Variants in BTN2A1 observed in about 807,000 individuals in gnomAD.
The protein encoded by BTN2A1 is butyrophilin subfamily 2 member A1.
BTN2A1 carries 41 observed loss-of-function variants against 34.5 expected under a neutral mutation model. That is an observed-to-expected ratio of 1.19 (90% CI 0.93 to 1.54). The LOEUF is 1.54. BTN2A1 is among the 40% of genes most tolerant of loss of function. The pLI is 0.00. For synonymous variants in BTN2A1, 267 were observed against 258.6 expected, an observed-to-expected ratio of 1.03 and a Z score of -0.31; for missense variants, 642 against 662.0, an observed-to-expected ratio of 0.97 and a Z score of 0.33.
intron 7 of BTN2A1, among the ~76,000 whole-genome samples, chr6:26,475,885 A>T (rs1435900268): frequency 6.6e-6 from 1 of 152,208 alleles, no homozygotes; most frequent in Non-Finnish European, 1.5e-5. Context: ...AAAGAACATC[A>T]ATCTAAATTT....
chr6:26,471,243 A>G (rs80098994), downstream of BTN2A1, among the ~76,000 whole-genome samples: 3,872 of 152,328 alleles, frequency 0.025, 91 homozygotes, highest in African/African-American at 0.072. Context: ...CAGCTATGAC[A>G]AATATACCAA....
chr6:26,468,903 G>T lies in BTN2A1; in HGVS notation c.*354G>T. On this transcript the variant is annotated 3_prime_UTR_variant, in exon 8 of 8. Transcript: ENST00000312541. ...CCCAGTATTCCAGTTGGCACCAGAA[G>T]ATATGGACTTGGAATGAGGCCTACA... 7.5e-7 allele frequency: 1 copy of T among 1,327,064 alleles called. No individual in the cohort carries two copies. The highest frequency in any genetic ancestry group is 4.0e-5 in the East Asian group (1 of 25,122). The allele number at this position is 1,327,064 out of a possible 1,614,324, so 82.2% of individuals were successfully genotyped here. A position where few individuals can be genotyped will look rare whatever the true frequency, so the allele number is the denominator to read the frequency against.
In BTN2A1 at chr6:26,468,507, G is replaced by A. The variant is rs1270218005; in HGVS notation, c.1542G>A (p.Glu514=). The A allele has an allele frequency of 4.3e-6, 7 of 1,614,170 alleles. No homozygotes were observed. The highest frequency in any genetic ancestry group is 2.2e-5 in the East Asian group (1 of 44,870). ...TGANGVTVPE[E]GLTLHRVGTH... is the part of the protein sequence containing the mutation. Reference sequence around the variant, plus strand: ...CCAATGGGGTCACGGTGCCTGAAGAGGGCCTGACACTTCACAGAGTGGGGA... The same window carrying A: ...CCAATGGGGTCACGGTGCCTGAAGAAGGCCTGACACTTCACAGAGTGGGGA... Residue 514 remains glutamate (E), a synonymous_variant, in exon 8 of 8, where the codon GAG becomes GAA. Transcript: ENST00000312541.
At chr6:26,461,156 A>G (rs1023810670) in intron 3 of BTN2A1, among the ~76,000 whole-genome samples, 3 of 152,192 alleles carry the variant, frequency 2.0e-5, no homozygotes, top group East Asian at 3.8e-4. Flanking sequence ...ACCCTGCATC[A>G]TGACTGTGTT....
intron 7 of BTN2A1, 106 bp from the exon 8 acceptor site, chr6:26,467,842 C>A: frequency 6.4e-7 from 1 of 1,559,158 alleles, no homozygotes; most frequent in South Asian, 1.2e-5. Flanking sequence ...GTGGCCACTA[C>A]GTGGGGATCC....
exon 8 of BTN2A1, chr6:26,476,372 G>A (rs1763538605): frequency 1.3e-5 from 10 of 744,550 alleles, no homozygotes; most frequent in South Asian, 9.9e-5. Context: ...CAGAAAGGTC[G>A]AAGATGGCAG....
At chr6:26,470,136 T>C (rs915417333), downstream of BTN2A1, among the ~76,000 whole-genome samples, 2 of 152,078 alleles carry the variant, frequency 1.3e-5, no homozygotes, top group African/African-American at 4.8e-5. Context: ...TCACCTGAGG[T>C]CAGGAGTTCA....
At chr6:26,458,864 C>G in intron 2 of BTN2A1, 146 bp downstream of exon 2, 1 of 1,099,424 alleles carries the variant, frequency 9.1e-7, no homozygotes, top group Non-Finnish European at 1.3e-6. Flanking sequence ...CCAGCACTGT[C>G]CAAAAGGAAT....
At chr6:26,475,607 T>C (rs1351363485) in intron 7 of BTN2A1, among the ~76,000 whole-genome samples, 1 of 152,066 alleles carries the variant, frequency 6.6e-6, no homozygotes, top group Non-Finnish European at 1.5e-5. Flanking sequence ...TACAATGAAC[T>C]CAAAAAATGT....
intron 3 of BTN2A1, 75 bp downstream of exon 3, chr6:26,459,903 C>G (rs1763117219): frequency 7.6e-7 from 1 of 1,307,836 alleles, no homozygotes; most frequent in Non-Finnish European, 1.0e-6. Context: ...AACCTCAGGC[C>G]CATTGCAGAC....
At position 26,465,987 on chromosome 6, in the gene BTN2A1, T is replaced by G; in HGVS notation, c.955+14T>G. 6.2e-7 allele frequency: 1 copy of G among 1,614,234 alleles called. No homozygotes were observed. Among genetic ancestry groups the G allele is most frequent in the East Asian group, 2.2e-5 (1 of 44,886 alleles). ...AAGAAGAATTGCGTAAGTTTAGCCTTTCCTTAACTACATGTACAATTTGAG... is the reference window on the plus strand; with the variant it reads ...AAGAAGAATTGCGTAAGTTTAGCCTGTCCTTAACTACATGTACAATTTGAG... On this transcript the variant is annotated intron_variant, in intron 6 of 7. Transcript: ENST00000312541.
intron 3 of BTN2A1, chr6:26,462,733 A>G (rs1763198080): frequency 8.8e-7 from 1 of 1,131,028 alleles, no homozygotes; most frequent in Admixed American, 2.3e-5. Flanking sequence ...ATGTCTTTGG[A>G]TCAAAAGGTT....
chr6:26,466,202 C>T (rs780237406), intron 7 of BTN2A1, 114 bp downstream of exon 7: 37 of 1,514,688 alleles, frequency 2.4e-5, no homozygotes, highest in African/African-American at 6.9e-5. Context: ...CAGCAGGGAA[C>T]GGGGGTCAGT....
At chr6:26,462,917 A>G in intron 3 of BTN2A1, 1 of 1,277,296 alleles carries the variant, frequency 7.8e-7, no homozygotes. Flanking sequence ...TTAGTCTGGC[A>G]GGATAAATTG....
chr6:26,462,398 T>G (rs1398675746), intron 3 of BTN2A1, among the ~76,000 whole-genome samples: 2 of 152,178 alleles, frequency 1.3e-5, no homozygotes, highest in African/African-American at 4.8e-5. Flanking sequence ...GGGCAACATG[T>G]TAGCCAAGAA....
chr6:26,458,808 G>A, intron 2 of BTN2A1, 90 bp downstream of exon 2: 1 of 1,489,810 alleles, frequency 6.7e-7, no homozygotes. Context: ...GGACTGTGGA[G>A]TTGTTGACTT....
chr6:26,473,052 A>T (rs1763478291), downstream of BTN2A1, among the ~76,000 whole-genome samples: 1 of 152,220 alleles, frequency 6.6e-6, no homozygotes, highest in Admixed American at 6.5e-5. Context: ...ATCAGAGGAA[A>T]GTGCACCAAA....
chr6:26,466,527 C>G (rs1015574045), intron 7 of BTN2A1, among the ~76,000 whole-genome samples: 1 of 152,128 alleles, frequency 6.6e-6, no homozygotes, highest in Non-Finnish European at 1.5e-5. Flanking sequence ...GTAAGCCTGA[C>G]ATAAGGGTGT....
chr6:26,476,110 T>C, intron 7 of BTN2A1: 1 of 1,535,210 alleles, frequency 6.5e-7, no homozygotes. Flanking sequence ...TATGTCTCCT[T>C]TTGAGTTGTA....
Sources: allele counts gnomAD v4.1 joint callset (sites outside exome capture counted in the v4.1 genomes callset), GRCh38; gene constraint gnomAD v4.1.1; transcripts MANE v1.5; gene names NCBI Gene and HGNC (gene_info 2026-07-23, HGNC 2026-07-21).